The following GOLM1 variants were observed in gnomAD, a reference collection of about 807,000 sequenced individuals.
The protein encoded by GOLM1 is epididymis luminal protein 46.
In GOLM1, 31 loss-of-function variants were observed where a neutral mutation model predicts 50.5. The observed-to-expected ratio is 0.61, with a 90% CI of 0.46 to 0.83. The LOEUF is 0.83. Among genes scored for constraint, GOLM1 ranks in the 40% least tolerant of loss-of-function variants. The pLI is 0.00. For synonymous variants in GOLM1, 178 were observed against 192.8 expected (o/e 0.92, Z 0.64); for missense variants, 491 against 501.3 (o/e 0.98, Z 0.20).
At chr9:86,035,959 A>C (rs1833128393) in intron 7 of GOLM1, among the ~76,000 whole-genome samples, 1 of 151,394 alleles carries the variant, frequency 6.6e-6, no homozygotes, top group South Asian at 2.1e-4. Context: ...GAGTGACCTG[A>C]TCATCGGGTC....
chr9:86,091,839 T>G (rs1276199750), intron 1 of GOLM1, among the ~76,000 whole-genome samples: 5 of 152,216 alleles, frequency 3.3e-5, no homozygotes, highest in Non-Finnish European at 7.3e-5. Context: ...AAGGGAAGTG[T>G]ACAGATAACC....
At chr9:86,053,311 C>T (rs1319926965) in intron 3 of GOLM1, among the ~76,000 whole-genome samples, 1 of 135,766 alleles carries the variant, frequency 7.4e-6, no homozygotes, top group Admixed American at 7.4e-5. Context: ...CACACCAAAC[C>T]ACAGCAGGCC....
At chr9:86,064,665 CCAAACTCCTT>C (rs1300937087) in intron 3 of GOLM1, among the ~76,000 whole-genome samples, 21 of 152,170 alleles carry the variant, frequency 1.4e-4, no homozygotes, top group Non-Finnish European at 2.6e-4. Context: ...GAACTCAAGT[CCAAACTCCTT>C]CAAACTCAAG....
At chr9:86,062,552 G>C (rs902448540) in intron 3 of GOLM1, among the ~76,000 whole-genome samples, 1 of 151,120 alleles carries the variant, frequency 6.6e-6, no homozygotes, top group Non-Finnish European at 1.5e-5. Context: ...GGACAGAGTA[G>C]GATGGAGGAA....
rs12345393 is a variant in GOLM1, at chr9:86,034,027, T to C, written c.1016-632A>G. On this transcript the variant is annotated intron_variant, in intron 8 of 9. Coordinates refer to ENST00000388712, the MANE Select transcript of GOLM1 (RefSeq NM_016548.4). Reference sequence around the variant, plus strand: ...TCGCCCAGGCTGGAGTGCGGTGGCGTAATCTCGGCTCACTGCAACCTCCGC... The same window carrying C: ...TCGCCCAGGCTGGAGTGCGGTGGCGCAATCTCGGCTCACTGCAACCTCCGC... 6.8e-3 allele frequency among the ~76,000 whole-genome samples: 1,026 copies of C among 150,102 alleles called. 14 individuals carry two copies. Among genetic ancestry groups the C allele is most frequent in the South Asian group, 0.033 (153 of 4,700 alleles).
At chr9:86,035,118 C>A (rs1269625816) in intron 8 of GOLM1, 152 of 985,248 alleles carry the variant, frequency 1.5e-4, no homozygotes, top group Middle Eastern at 5.2e-4. Flanking sequence ...AGGCCATCCA[C>A]TTGCAAGGTC....
chr9:86,084,868 T>A (rs1176689616), intron 1 of GOLM1: 1 of 152,104 alleles, frequency 6.6e-6, no homozygotes, highest in Non-Finnish European at 1.5e-5. Context: ...ACCAATATGG[T>A]GAAACCCCAT....
At chr9:86,031,742 T>G (rs1441958585) in intron 9 of GOLM1, among the ~76,000 whole-genome samples, 1 of 151,800 alleles carries the variant, frequency 6.6e-6, no homozygotes, top group Non-Finnish European at 1.5e-5. Context: ...GTTACAGGTG[T>G]TAGCCACCAC....
At chr9:86,038,140 G>A (rs1241407214) in intron 6 of GOLM1, among the ~76,000 whole-genome samples, 2 of 138,074 alleles carry the variant, frequency 1.4e-5, no homozygotes, top group African/African-American at 2.7e-5. Flanking sequence ...GGCGATAAAA[G>A]CAAAACTCCA....
At chr9:86,038,063 A>T (rs1833205649) in intron 6 of GOLM1, among the ~76,000 whole-genome samples, 1 of 152,032 alleles carries the variant, frequency 6.6e-6, no homozygotes, top group South Asian at 2.1e-4. Flanking sequence ...CTGAGGCAGG[A>T]GAATTGCTTC....
Position 86,042,272 on chromosome 9 carries a change from A to G in GOLM1, c.468-1404T>C, listed in dbSNP as rs764694163. Among the ~76,000 whole-genome samples, 97 of 152,360 alleles carry G rather than the reference A, an allele frequency of 6.4e-4. 2 individuals are homozygous for G. The highest frequency in any genetic ancestry group is 6.0e-3 in the Admixed American group (92 of 15,296). ...TTACCCACTCGTTTTGCAAATAAGA[A>G]TACTAAGGGGTGACATGGTTGTCTG... On this transcript the variant is annotated intron_variant, in intron 5 of 9. Coordinates refer to ENST00000388712, the MANE Select transcript of GOLM1 (RefSeq NM_016548.4).
upstream of GOLM1, among the ~76,000 whole-genome samples, chr9:86,099,762 TGCCCCTTCCCCCGGGCCACCCCATC>T (rs1394737897): frequency 1.3e-5 from 2 of 151,986 alleles, no homozygotes; most frequent in Non-Finnish European, 2.9e-5. Flanking sequence ...CGCTGGGCGT[TGCCCCTTCCCCCGGGCCACCCCATC>T]GCCCCTTCCG....
intron 1 of GOLM1, among the ~76,000 whole-genome samples, chr9:86,082,146 A>G (rs1320873082): frequency 4.2e-5 from 6 of 143,582 alleles, no homozygotes; most frequent in African/African-American, 5.2e-5. Context: ...CTCCTGCCTC[A>G]GCCTCCCGAG....
intron 3 of GOLM1, among the ~76,000 whole-genome samples, chr9:86,068,426 T>C (rs1010912645): frequency 6.6e-6 from 1 of 152,248 alleles, no homozygotes; most frequent in African/African-American, 2.4e-5. Context: ...TGGTCAGGTC[T>C]GCTGTGAGCG....
intron 9 of GOLM1, among the ~76,000 whole-genome samples, chr9:86,031,124 C>T (rs140963567): frequency 5.5e-4 from 84 of 152,034 alleles, no homozygotes; most frequent in Middle Eastern, 3.4e-3. Flanking sequence ...GCAGGAGAAT[C>T]GCTTGAACCC....
chr9:86,034,058 G>C (rs1268580305), intron 8 of GOLM1, among the ~76,000 whole-genome samples: 3 of 151,502 alleles, frequency 2.0e-5, no homozygotes, highest in Admixed American at 6.6e-5. Flanking sequence ...TCCGCCTCCG[G>C]GGTTCAAGCG....
rs1304457410 is a variant in GOLM1 at position 86,061,703 on chromosome 9, AG to A, written c.310-9113del. 3.3e-5 allele frequency among the ~76,000 whole-genome samples: 5 copies of A among 152,164 alleles called. No individual in the cohort carries two copies. The East Asian group carries it at 7.7e-4, about 23-fold the overall frequency. On this transcript the variant is annotated intron_variant, in intron 3 of 9. Coordinates refer to ENST00000388712, the MANE Select transcript of GOLM1 (RefSeq NM_016548.4). Reference sequence around the variant, plus strand: ...GGGTGGCCTGCTGAGTTTTATTTAAAGGGGCACCTTACAGACACCTCAAGTG... The same window carrying A: ...GGGTGGCCTGCTGAGTTTTATTTAAAGGGCACCTTACAGACACCTCAAGTG...
chr9:86,088,756 T>C (rs1020809307), intron 1 of GOLM1, among the ~76,000 whole-genome samples: 1 of 152,040 alleles, frequency 6.6e-6, no homozygotes, highest in Non-Finnish European at 1.5e-5. Flanking sequence ...ATTTAGCCCA[T>C]TTACATTTAA....
intron 7 of GOLM1, 117 bp from the exon 8 acceptor site, chr9:86,035,742 G>A (rs1315944200): frequency 6.3e-6 from 6 of 951,670 alleles, no homozygotes; most frequent in Admixed American, 2.4e-5. Flanking sequence ...AGGAGTGGGG[G>A]TGGGGTGGGC....
Sources: gnomAD v4.1 joint callset for allele counts (sites outside exome capture counted in the v4.1 genomes callset) on GRCh38, gnomAD v4.1.1 for gene constraint, MANE v1.5 for transcripts, NCBI Gene and HGNC (gene_info 2026-07-23, HGNC 2026-07-21) for gene names.